Variants in ANKRD36B observed in about 807,000 individuals in gnomAD.
The protein encoded by ANKRD36B is ankyrin repeat domain 36B.
A neutral mutation model predicts 135.7 loss-of-function variants in ANKRD36B; 37 were observed. The ratio of observed to expected loss-of-function variants is 0.27; its 90% CI spans 0.21 to 0.36. ANKRD36B has a LOEUF of 0.36. Ranked by LOEUF, ANKRD36B falls within the 10% of genes least tolerant of loss-of-function variation. The pLI is 1.00. For synonymous variants in ANKRD36B, 179 were observed against 348.1 expected (o/e 0.51, Z 5.41); for missense variants, 549 against 1,037.1 (o/e 0.53, Z 6.46).
At chr2:97,553,263 TAATA>T (rs754821531) in intron 15 of ANKRD36B, 23 bp from the exon 16 acceptor site, 26 of 1,598,690 alleles carry the variant, frequency 1.6e-5, no homozygotes, top group Middle Eastern at 2.1e-4. Context: ...TGAAAGAAAA[TAATA>T]AATAAATAAA....
intron 4 of ANKRD36B, among the ~76,000 whole-genome samples, chr2:97,579,611 T>C (rs2082455654): frequency 7.3e-6 from 1 of 137,486 alleles, no homozygotes; most frequent in African/African-American, 2.6e-5. Context: ...ATATATATAG[T>C]ATATTATATA....
chr2:97,566,243 C>T (rs1408743327), intron 6 of ANKRD36B, among the ~76,000 whole-genome samples: 1 of 151,978 alleles, frequency 6.6e-6, no homozygotes, highest in Admixed American at 6.6e-5. Context: ...ATCGCTCAAA[C>T]TCAGGAGGCA....
At chr2:97,550,702 G>C (rs1162194583) in intron 18 of ANKRD36B, among the ~76,000 whole-genome samples, 1 of 151,882 alleles carries the variant, frequency 6.6e-6, no homozygotes. Context: ...ACTTGCTGGA[G>C]TTGCCAAAAT....
At chr2:97,573,775 C>A (rs1370779854) in intron 6 of ANKRD36B, among the ~76,000 whole-genome samples, 2 of 152,042 alleles carry the variant, frequency 1.3e-5, no homozygotes, top group Non-Finnish European at 2.9e-5. Context: ...CTGAGAAAAA[C>A]AAGCAATGGG....
In ANKRD36B at chr2:97,567,702, T is replaced by C. The variant is rs145658325; in HGVS notation, c.764-6842A>G. On this transcript the variant is annotated intron_variant, in intron 6 of 43. Coordinates refer to ENST00000359901, the MANE Select transcript of ANKRD36B (RefSeq NM_001393939.1). ...AAATTGCCTAAGATTCTGAGTAGTA[T>C]GACAAAATTTGAGCCCTTACATCCC... 6.6e-3 allele frequency among the ~76,000 whole-genome samples: 1,000 copies of C among 152,264 alleles called. 50 individuals carry two copies. In the East Asian group the frequency reaches 0.11, roughly 16 times the overall value.
rs766117080 is a variant in ANKRD36B at position 97,580,458 on chromosome 2, G to A, written c.557+4C>T. The A allele has an allele frequency of 1.9e-6, 3 of 1,543,064 alleles. No individual in the cohort carries two copies. In the South Asian group the frequency reaches 3.6e-5, roughly 18 times the overall value. On this transcript the variant is annotated splice_donor_region_variant and intron_variant, in intron 4 of 43. Coordinates refer to ENST00000359901, the MANE Select transcript of ANKRD36B (RefSeq NM_001393939.1). ...AACAACACAATAAGAACTAAGGTCT[G>A]TACCTGCCAAGATAATCAATGGCAT...
intron 34 of ANKRD36B, among the ~76,000 whole-genome samples, chr2:97,535,485 AAAC>A (rs2078829750): frequency 1.5e-5 from 1 of 67,204 alleles, no homozygotes; most frequent in Non-Finnish European, 3.6e-5. Context: ...CAAAAAAATA[AAAC>A]ACACACACAC....
At chr2:97,553,140 T>A (rs1268139830) in intron 16 of ANKRD36B, 28 bp downstream of exon 16, 2 of 1,600,424 alleles carry the variant, frequency 1.2e-6, no homozygotes, top group Non-Finnish European at 8.5e-7. Flanking sequence ...GGATTGAACA[T>A]GACATTGAAT....
rs2080585581 is a variant in ANKRD36B at position 97,556,947 on chromosome 2, T to C, written c.1059A>G (p.Lys353=). 1.3e-6 allele frequency: 2 copies of C among 1,590,122 alleles called. No homozygotes were observed. The part of the protein sequence containing the change: ...NIATRIMGGG[K]SGTVSSQKQP... The stretch of plus-strand genomic sequence containing the variant: ...GTATTGCCAAATTACCTGTTCCAGA[T>C]TTCCCACCGCCCATTATTCTTGTGG... The change falls in exon 12 of 44, where the codon AAA becomes AAG. Residue 353 remains lysine, a synonymous_variant. Coordinates refer to ENST00000359901, the MANE Select transcript of ANKRD36B (RefSeq NM_001393939.1).
intron 6 of ANKRD36B, among the ~76,000 whole-genome samples, chr2:97,575,501 C>T (rs1305501203): frequency 6.6e-6 from 1 of 151,190 alleles, no homozygotes; most frequent in African/African-American, 2.4e-5. Flanking sequence ...TCTCTCTCCC[C>T]ACTAATGTTT....
intron 6 of ANKRD36B, among the ~76,000 whole-genome samples, chr2:97,567,427 T>C (rs1266253288): frequency 1.3e-5 from 2 of 151,710 alleles, no homozygotes; most frequent in African/African-American, 4.8e-5. Flanking sequence ...AATCACACCC[T>C]GATCACTATG....
chr2:97,567,835 T>C (rs185486669), intron 6 of ANKRD36B, among the ~76,000 whole-genome samples: 2 of 152,290 alleles, frequency 1.3e-5, no homozygotes, highest in South Asian at 2.1e-4. Context: ...CAACCAACAA[T>C]ATCATCATGG....
chr2:97,568,330 C>T (rs4069526), intron 6 of ANKRD36B, among the ~76,000 whole-genome samples: 3 of 151,626 alleles, frequency 2.0e-5, no homozygotes, highest in Non-Finnish European at 4.4e-5. Flanking sequence ...CACTCTAATT[C>T]AAAAAATCTA....
rs1480630949 is a variant in ANKRD36B, at chr2:97,514,802, T to C, written c.2621+930A>G. On this transcript the variant is annotated intron_variant, in intron 37 of 43. Transcript: ENST00000359901. ...TACATGTCTTCAGCATAAAACTGAATTAATTTTATCTACATAGCAGAGAGA... is the reference window on the plus strand; with the variant it reads ...TACATGTCTTCAGCATAAAACTGAACTAATTTTATCTACATAGCAGAGAGA... Among the ~76,000 whole-genome samples the C allele has an allele frequency of 3.5e-5, 3 of 86,544 alleles. 1 individual carries two copies. Among genetic ancestry groups the C allele is most frequent in the African/African-American group, 1.1e-4 (3 of 28,228 alleles). 56.8% of individuals were successfully genotyped at this position (86,544 alleles called of 152,430 possible). A position where few individuals can be genotyped will look rare whatever the true frequency, so the allele number is the denominator to read the frequency against.
At chr2:97,561,856 C>G (rs1269313013) in intron 6 of ANKRD36B, among the ~76,000 whole-genome samples, 3 of 151,920 alleles carry the variant, frequency 2.0e-5, no homozygotes, top group Non-Finnish European at 4.4e-5. Flanking sequence ...ACATATACCT[C>G]TGGTGCCCAA....
chr2:97,564,021 C>G (rs1305021871), intron 6 of ANKRD36B, among the ~76,000 whole-genome samples: 2 of 151,696 alleles, frequency 1.3e-5, no homozygotes, highest in Admixed American at 6.6e-5. Flanking sequence ...TTACAAAGAC[C>G]AAGTTGCAGT....
intron 5 of ANKRD36B, among the ~76,000 whole-genome samples, chr2:97,577,840 A>T (rs564401841): frequency 6.6e-6 from 1 of 151,996 alleles, no homozygotes; most frequent in South Asian, 2.1e-4. Context: ...CCACAAGTTG[A>T]TGCCTACTAC....
chr2:97,566,074 G>A, intron 6 of ANKRD36B, among the ~76,000 whole-genome samples: 1 of 151,840 alleles, frequency 6.6e-6, no homozygotes, highest in Non-Finnish European at 1.5e-5. Context: ...AGCATTTTGG[G>A]AGGCCAAGGC....
chr2:97,577,280 A>C (rs976943511), intron 5 of ANKRD36B, among the ~76,000 whole-genome samples: 77 of 136,754 alleles, frequency 5.6e-4, no homozygotes, highest in African/African-American at 2.1e-3. Context: ...ACTGACATGG[A>C]AGACAAAACC....
Sources: gnomAD v4.1 joint callset for allele counts (sites outside exome capture counted in the v4.1 genomes callset) on GRCh38, gnomAD v4.1.1 for gene constraint, MANE v1.5 for transcripts, NCBI Gene and HGNC (gene_info 2026-07-23, HGNC 2026-07-21) for gene names.